The following DNAH3 variants were observed in gnomAD, a reference collection of about 807,000 sequenced individuals.
DNAH3 encodes dynein axonemal heavy chain 3, also known as axonemal beta dynein heavy chain 3.
Under a neutral mutation model 432.5 loss-of-function variants are expected in DNAH3, and 332 were observed. The ratio of observed to expected loss-of-function variants is 0.77; its 90% CI spans 0.70 to 0.84. The LOEUF (loss-of-function observed/expected upper bound fraction) is 0.84. Ranked by LOEUF, DNAH3 falls within the 40% of genes least tolerant of loss-of-function variation. DNAH3 has a pLI of 0.00. For synonymous variants in DNAH3, 1,956 were observed against 1,900.2 expected (o/e 1.03, Z -0.76); for missense variants, 4,861 against 5,114.0 (o/e 0.95, Z 1.51).
Position 21,067,238 on chromosome 16 carries a change from AT to A in DNAH3, c.3518+44del, listed in dbSNP as rs754408557. On this transcript the variant is annotated intron_variant, in intron 24 of 61. Coordinates refer to ENST00000261383, the Ensembl canonical transcript of DNAH3. The stretch of plus-strand genomic sequence containing the variant: ...ATGAAAAATGTAATTCTACCTACAT[AT>A]GGGGCAAGAATGTAATTCCAAATAA... 3.1e-6 allele frequency: 5 copies of A among 1,608,488 alleles called. No individual in the cohort carries two copies. In the East Asian group the frequency reaches 8.9e-5, roughly 29 times the overall value.
intron 7 of DNAH3, among the ~76,000 whole-genome samples, chr16:21,131,324 TA>T (rs1021669232): frequency 5.3e-5 from 8 of 150,112 alleles, no homozygotes; most frequent in African/African-American, 2.0e-4. Context: ...AAAGCTTGTC[TA>T]AAACAAGAAA....
intron 49 of DNAH3, 27 bp downstream of exon 49, chr16:20,982,694 G>C: frequency 1.3e-6 from 2 of 1,593,010 alleles, no homozygotes; most frequent in Non-Finnish European, 8.6e-7. Context: ...GGAATATCTA[G>C]AGTCCTAAAA....
chr16:21,101,561 T>A (rs1385768914), intron 16 of DNAH3, among the ~76,000 whole-genome samples: 1 of 152,150 alleles, frequency 6.6e-6, no homozygotes. Flanking sequence ...TAGAATTCAC[T>A]CCCATGTTCA....
chr16:21,098,454 AAAAAG>A (rs1209187624), intron 17 of DNAH3, among the ~76,000 whole-genome samples, 157 bp downstream of exon 17: 7 of 149,604 alleles, frequency 4.7e-5, no homozygotes, highest in African/African-American at 1.7e-4. Flanking sequence ...AAAAAAAAAA[AAAAAG>A]AAAAGAAAAA....
At chr16:21,147,574 C>A (rs2092801591) in intron 1 of DNAH3, among the ~76,000 whole-genome samples, 1 of 152,188 alleles carries the variant, frequency 6.6e-6, no homozygotes, top group Non-Finnish European at 1.5e-5. Context: ...GGCAGTGGCA[C>A]TGAATTTTCT....
At chr16:21,100,287 G>A (rs994036519) in intron 16 of DNAH3, among the ~76,000 whole-genome samples, 3 of 152,206 alleles carry the variant, frequency 2.0e-5, no homozygotes, top group African/African-American at 7.2e-5. Context: ...GGCCAGGCTA[G>A]TCTCGAACTC....
Position 21,059,816 on chromosome 16 carries a change from A to G in DNAH3, c.3813+448T>C, listed in dbSNP as rs2090281786. On this transcript the variant is annotated intron_variant, in intron 26 of 61. Coordinates refer to ENST00000261383, the Ensembl canonical transcript of DNAH3. The stretch of plus-strand genomic sequence containing the variant: ...GAAGAAAGAGAGCTAGAGTCGCTCA[A>G]CGTGAATGTGACTACAGGCTGGGTA... 2.0e-5 allele frequency among the ~76,000 whole-genome samples: 3 copies of G among 151,978 alleles called. No homozygotes were observed. In the South Asian group the frequency reaches 6.2e-4, roughly 32 times the overall value.
intron 9 of DNAH3, among the ~76,000 whole-genome samples, chr16:21,124,675 G>A (rs1310033704): frequency 6.7e-6 from 1 of 150,242 alleles, no homozygotes; most frequent in Non-Finnish European, 1.5e-5. Context: ...TTGAGACAGA[G>A]TTTCACTCTT....
intron 16 of DNAH3, 198 bp downstream of exon 16, chr16:21,104,273 T>C (rs2091899992): frequency 1.8e-6 from 1 of 559,686 alleles, no homozygotes; most frequent in Non-Finnish European, 3.2e-6. Context: ...GCAGAGGTTA[T>C]TACAGTGAAG....
exon 53 of DNAH3, chr16:20,964,529 G>A: frequency 6.2e-7 from 1 of 1,614,182 alleles, no homozygotes; most frequent in Non-Finnish European, 8.5e-7. Flanking sequence ...CCTAACTGCA[G>A]CGCGTTTTCC....
At chr16:21,010,436 G>A (rs1049952194) in intron 41 of DNAH3, among the ~76,000 whole-genome samples, 1 of 152,120 alleles carries the variant, frequency 6.6e-6, no homozygotes, top group Non-Finnish European at 1.5e-5. Context: ...CAATGAATGA[G>A]TGAATGAAGA....
At position 21,049,985 on chromosome 16, in the gene DNAH3, C is replaced by CA; in HGVS notation, c.4271_4272insT (p.Ala1426CysfsTer23). ...TCCCAGCTGGACCCTCTGGAGCACCCCCAAGGTTCAGCTTCAAAGCTCCCA... is the reference window on the plus strand; with the variant it reads ...TCCCAGCTGGACCCTCTGGAGCACCCACCAAGGTTCAGCTTCAAAGCTCCCA... On this transcript the variant is annotated frameshift_variant, in exon 30 of 62. Transcript: ENST00000261383. LOFTEE classifies it high-confidence loss of function. 6.2e-7 allele frequency: 1 copy of CA among 1,614,164 alleles called. No individual in the cohort carries two copies. The highest frequency in any genetic ancestry group is 1.1e-5 in the South Asian group (1 of 91,086).
chr16:21,143,021 C>T (rs1036451956), intron 3 of DNAH3, among the ~76,000 whole-genome samples: 3 of 152,080 alleles, frequency 2.0e-5, no homozygotes, highest in African/African-American at 7.2e-5. Flanking sequence ...GAATAATAAG[C>T]AGAAATCATC....
chr16:21,005,465 T>C (rs950564958), intron 41 of DNAH3, among the ~76,000 whole-genome samples: 1 of 152,060 alleles, frequency 6.6e-6, no homozygotes, highest in Non-Finnish European at 1.5e-5. Flanking sequence ...CACTACAGCC[T>C]CAACCTCCCG....
intron 35 of DNAH3, among the ~76,000 whole-genome samples, chr16:21,035,954 T>C (rs1384435470): frequency 1.3e-5 from 2 of 152,178 alleles, no homozygotes; most frequent in Non-Finnish European, 2.9e-5. Context: ...GATAATGATA[T>C]AGTATCAGGT....
intron 56 of DNAH3, among the ~76,000 whole-genome samples, chr16:20,952,174 C>T (rs902451285): frequency 3.3e-5 from 5 of 152,048 alleles, no homozygotes; most frequent in African/African-American, 4.8e-5. Context: ...CACTGTGCCC[C>T]GCTGGCCTGT....
intron 49 of DNAH3, among the ~76,000 whole-genome samples, chr16:20,981,126 A>C (rs1429954463): frequency 6.6e-6 from 1 of 152,230 alleles, no homozygotes; most frequent in Non-Finnish European, 1.5e-5. Flanking sequence ...GTTAACTGTA[A>C]TGATGCAATG....
chr16:21,061,119 G>A (rs1427403305), intron 25 of DNAH3, among the ~76,000 whole-genome samples: 1 of 151,244 alleles, frequency 6.6e-6, no homozygotes, highest in Non-Finnish European at 1.5e-5. Flanking sequence ...GATTACAGGT[G>A]TGAGCCATGG....
At chr16:21,103,358 G>GGA (rs1555558927) in intron 16 of DNAH3, among the ~76,000 whole-genome samples, 4 of 150,210 alleles carry the variant, frequency 2.7e-5, no homozygotes, top group Admixed American at 6.6e-5. Context: ...TGTGTGTGGG[G>GGA]GGGGGCAGGG....
Sources: allele counts gnomAD v4.1 joint callset (sites outside exome capture counted in the v4.1 genomes callset), GRCh38; gene constraint gnomAD v4.1.1; transcripts MANE v1.5; gene names NCBI Gene and HGNC (gene_info 2026-07-23, HGNC 2026-07-21).